The following LRRC4C variants were observed in gnomAD, a reference collection of about 807,000 sequenced individuals.
LRRC4C encodes leucine-rich repeat-containing protein 4C.
In LRRC4C, 5 loss-of-function variants were observed where a neutral mutation model predicts 33.6. The ratio of observed to expected loss-of-function variants is 0.15; its 90% CI spans 0.08 to 0.31. LRRC4C has a LOEUF of 0.31. Among genes scored for constraint, LRRC4C ranks in the 10% least tolerant of loss-of-function variants. The pLI is 1.00. For missense variants in LRRC4C, 560 were observed against 796.7 expected (o/e 0.70, Z 3.58); for synonymous variants, 329 against 302.0 (o/e 1.09, Z -0.93).
At chr11:40,463,812 A>G (rs1224266094) in intron 3 of LRRC4C, among the ~76,000 whole-genome samples, 2 of 152,076 alleles carry the variant, frequency 1.3e-5, no homozygotes, top group East Asian at 1.9e-4. Flanking sequence ...TAATAGGTCT[A>G]ATCCATCATT....
At chr11:40,694,823 A>C (rs564623828) in intron 2 of LRRC4C, among the ~76,000 whole-genome samples, 1 of 152,280 alleles carries the variant, frequency 6.6e-6, no homozygotes, top group South Asian at 2.1e-4. Flanking sequence ...TTCTAGGAAT[A>C]AGATGGGTGA....
chr11:41,453,899 A>T (rs1956102565), intron 1 of LRRC4C, among the ~76,000 whole-genome samples: 1 of 152,106 alleles, frequency 6.6e-6, no homozygotes, highest in African/African-American at 2.4e-5. Context: ...GGTAGAGGCC[A>T]ATGAACTTGT....
chr11:40,217,939 G>A (rs577792057), intron 5 of LRRC4C, among the ~76,000 whole-genome samples: 1 of 152,134 alleles, frequency 6.6e-6, no homozygotes, highest in Admixed American at 6.5e-5. Flanking sequence ...CATTGGAAAG[G>A]GGGCATTATA....
intron 2 of LRRC4C, among the ~76,000 whole-genome samples, chr11:40,805,676 T>C (rs1360746450): frequency 6.6e-6 from 1 of 152,136 alleles, no homozygotes; most frequent in Non-Finnish European, 1.5e-5. Context: ...TAGGGAGTCT[T>C]GTTCTTCACT....
intron 1 of LRRC4C, among the ~76,000 whole-genome samples, chr11:41,384,616 T>C (rs1953284162): frequency 6.6e-6 from 1 of 151,156 alleles, no homozygotes; most frequent in African/African-American, 2.4e-5. Context: ...GTTTAAAGAG[T>C]AGTTTCTGAA....
At chr11:40,676,029 T>C (rs1944381122) in intron 2 of LRRC4C, among the ~76,000 whole-genome samples, 1 of 152,194 alleles carries the variant, frequency 6.6e-6, no homozygotes, top group Non-Finnish European at 1.5e-5. Context: ...ACTAACAATT[T>C]ATTCACAAAA....
intron 2 of LRRC4C, among the ~76,000 whole-genome samples, chr11:40,804,195 G>T (rs536396691): frequency 6.6e-6 from 1 of 151,834 alleles, no homozygotes; most frequent in South Asian, 2.1e-4. Flanking sequence ...CTTATAAATG[G>T]AGTCTCATAG....
intron 3 of LRRC4C, among the ~76,000 whole-genome samples, chr11:40,550,755 G>A (rs934931406): frequency 6.6e-6 from 1 of 151,930 alleles, no homozygotes; most frequent in African/African-American, 2.4e-5. Context: ...GGACCACCAT[G>A]GGTTTATTCA....
chr11:40,559,181 C>CTTTTTTTTTT (rs71060968), intron 3 of LRRC4C, among the ~76,000 whole-genome samples: 1 of 124,660 alleles, frequency 8.0e-6, no homozygotes, highest in African/African-American at 2.9e-5. Context: ...TTGCATGCGT[C>CTTTTTTTTTT]TTTTTTTTTT....
intron 2 of LRRC4C, among the ~76,000 whole-genome samples, chr11:40,784,432 G>C (rs1405029808): frequency 2.0e-5 from 3 of 152,070 alleles, no homozygotes; most frequent in Admixed American, 2.0e-4. Flanking sequence ...AAAGAGCTTG[G>C]AAAAGCAAAA....
chr11:41,436,771 T>C (rs1187806641), intron 1 of LRRC4C, among the ~76,000 whole-genome samples: 1 of 152,188 alleles, frequency 6.6e-6, no homozygotes, highest in Non-Finnish European at 1.5e-5. Context: ...AAATGACCTA[T>C]ACCAACGTTT....
At chr11:40,729,381 C>T (rs1191212203) in intron 2 of LRRC4C, among the ~76,000 whole-genome samples, 2 of 152,116 alleles carry the variant, frequency 1.3e-5, no homozygotes, top group African/African-American at 2.4e-5. Flanking sequence ...GAGGTAACTC[C>T]CATGATATAC....
intron 3 of LRRC4C, among the ~76,000 whole-genome samples, chr11:40,401,502 C>T (rs1453047164): frequency 6.6e-6 from 1 of 152,138 alleles, no homozygotes; most frequent in Admixed American, 6.6e-5. Flanking sequence ...AAGCAGCCAA[C>T]ATTCTGTATT....
At chr11:41,258,840 G>T (rs371971864) in intron 1 of LRRC4C, among the ~76,000 whole-genome samples, 1 of 151,990 alleles carries the variant, frequency 6.6e-6, no homozygotes, top group Non-Finnish European at 1.5e-5. Flanking sequence ...GACAATGTCT[G>T]CCTTTGGCTC....
chr11:40,377,311 T>C (rs1212649336), intron 3 of LRRC4C, among the ~76,000 whole-genome samples: 1 of 152,160 alleles, frequency 6.6e-6, no homozygotes, highest in Non-Finnish European at 1.5e-5. Flanking sequence ...TATTTGATAA[T>C]GGTGATGACA....
At chr11:40,572,155 G>A (rs1475431267) in intron 3 of LRRC4C, among the ~76,000 whole-genome samples, 2 of 152,090 alleles carry the variant, frequency 1.3e-5, no homozygotes, top group East Asian at 3.9e-4. Flanking sequence ...TTGTTCATAT[G>A]GGGAACACAA....
At chr11:40,858,502 C>G (rs2135812839) in intron 2 of LRRC4C, among the ~76,000 whole-genome samples, 1 of 151,932 alleles carries the variant, frequency 6.6e-6, no homozygotes, top group East Asian at 1.9e-4. Context: ...CAAGACCAGC[C>G]TGGCCAACAT....
chr11:40,855,895 T>G (rs1435395644), intron 2 of LRRC4C, among the ~76,000 whole-genome samples: 1 of 151,826 alleles, frequency 6.6e-6, no homozygotes, highest in Non-Finnish European at 1.5e-5. Context: ...TCTTATTATT[T>G]TTCTTTTATA....
chr11:40,300,505 A>T (rs1944720427), intron 4 of LRRC4C, among the ~76,000 whole-genome samples: 1 of 152,238 alleles, frequency 6.6e-6, no homozygotes, highest in African/African-American at 2.4e-5. Context: ...CAACTATTAG[A>T]TGCCATGTAC....
Sources: allele counts gnomAD v4.1 joint callset (sites outside exome capture counted in the v4.1 genomes callset), GRCh38; gene constraint gnomAD v4.1.1; transcripts MANE v1.5; gene names NCBI Gene and HGNC (gene_info 2026-07-23, HGNC 2026-07-21).